The following GRIN2A variants were observed in gnomAD, a reference collection of about 807,000 sequenced individuals.
GRIN2A encodes the protein glutamate ionotropic receptor NMDA type subunit 2A, also known as glutamate receptor ionotropic, NMDA 2A.
In GRIN2A, 22 loss-of-function variants were observed where a neutral mutation model predicts 113.4. The observed-to-expected ratio is 0.19, with a 90% CI of 0.14 to 0.28. GRIN2A has a LOEUF of 0.28. Ranked by LOEUF, GRIN2A falls within the 10% of genes least tolerant of loss-of-function variation. The pLI is 1.00. For synonymous variants in GRIN2A, 827 were observed against 738.4 expected, an observed-to-expected ratio of 1.12 and a Z score of -1.94; for missense variants, 1,502 against 1,887.0, an observed-to-expected ratio of 0.80 and a Z score of 3.78.
At chr16:9,922,642 C>A (rs2044379121) in intron 3 of GRIN2A, among the ~76,000 whole-genome samples, 1 of 152,224 alleles carries the variant, frequency 6.6e-6, no homozygotes, top group Non-Finnish European at 1.5e-5. Context: ...ACTTGGTTAA[C>A]TGAAGATGGA....
At chr16:9,781,872 G>A (rs532150514) in intron 11 of GRIN2A, among the ~76,000 whole-genome samples, 2 of 152,272 alleles carry the variant, frequency 1.3e-5, no homozygotes, top group Admixed American at 1.3e-4. Context: ...ATGGTTTCTG[G>A]TTTAATAAAG....
At chr16:9,959,250 T>C (rs1314420252) in intron 2 of GRIN2A, among the ~76,000 whole-genome samples, 2 of 152,118 alleles carry the variant, frequency 1.3e-5, no homozygotes, top group Non-Finnish European at 2.9e-5. Context: ...CTTGAAAACA[T>C]CTCCAATCTC....
At chr16:10,095,955 TC>T (rs2048282352) in intron 2 of GRIN2A, among the ~76,000 whole-genome samples, 1 of 152,230 alleles carries the variant, frequency 6.6e-6, no homozygotes, top group South Asian at 2.1e-4. Flanking sequence ...TTTCTACTAT[TC>T]TTTCAACTTT....
chr16:9,972,895 C>A (rs956373057), intron 2 of GRIN2A, among the ~76,000 whole-genome samples: 3 of 152,194 alleles, frequency 2.0e-5, no homozygotes, highest in African/African-American at 7.2e-5. Flanking sequence ...GACTCAAAAT[C>A]AGTTTCCCCA....
At chr16:10,146,186 C>T (rs1052406765) in intron 2 of GRIN2A, among the ~76,000 whole-genome samples, 9 of 152,070 alleles carry the variant, frequency 5.9e-5, no homozygotes, top group African/African-American at 9.7e-5. Flanking sequence ...GGTGCGATCT[C>T]GGCTCACTGC....
chr16:9,987,801 C>G (rs2046008025), intron 2 of GRIN2A, among the ~76,000 whole-genome samples: 1 of 152,088 alleles, frequency 6.6e-6, no homozygotes, highest in African/African-American at 2.4e-5. Context: ...AACACCCATT[C>G]TAAATGGAGA....
chr16:9,769,954 A>G (rs1344772321), intron 11 of GRIN2A, among the ~76,000 whole-genome samples: 1 of 152,206 alleles, frequency 6.6e-6, no homozygotes, highest in African/African-American at 2.4e-5. Context: ...CTGGCTCTGA[A>G]TGGCCCCTTG....
At chr16:9,943,034 C>T (rs2044924663) in intron 2 of GRIN2A, 1 of 152,236 alleles carries the variant, frequency 6.6e-6, no homozygotes, top group African/African-American at 2.4e-5. Flanking sequence ...GGCCACACTC[C>T]CAGGGCCTGG....
In GRIN2A at chr16:9,763,722, G is replaced by T. The variant is rs1900707436; in HGVS notation, c.3822C>A (p.Asn1274Lys). Residue 1274 changes from asparagine to lysine, a missense_variant, in exon 13 of 13, where the codon AAC (asparagine) becomes AAA (lysine). Asn to Lys is a moderately conservative substitution (Grantham distance 94). Around this residue, in one of 7 missense-constraint regions of GRIN2A, gnomAD observed 832 missense variants for 789.7 expected, o/e 1.05. Coordinates refer to ENST00000330684, the MANE Select transcript of GRIN2A (RefSeq NM_001134407.3). ...EQVYQQDWAQ[N>K]NALQLQKNKL... ...TGTTCTTTTGTAATTGAAGGGCATT[G>T]TTCTGTGCCCAGTCCTGCTGGTAGA... 5.6e-6 allele frequency: 9 copies of T among 1,614,156 alleles called. No individual in the cohort carries two copies. Among genetic ancestry groups the T allele is most frequent in the African/African-American group, 1.3e-5 (1 of 75,042 alleles).
intron 2 of GRIN2A, among the ~76,000 whole-genome samples, chr16:10,069,317 A>G (rs1481209847): frequency 6.6e-6 from 1 of 152,208 alleles, no homozygotes; most frequent in Admixed American, 6.5e-5. Context: ...GGGATGAGAG[A>G]AAGAGAATGT....
At chr16:9,870,285 C>T (rs974001783) in intron 4 of GRIN2A, among the ~76,000 whole-genome samples, 1 of 152,098 alleles carries the variant, frequency 6.6e-6, no homozygotes, top group Non-Finnish European at 1.5e-5. Flanking sequence ...CCCAAGCTTT[C>T]TTGGATCCTT....
intron 8 of GRIN2A, among the ~76,000 whole-genome samples, chr16:9,831,431 C>T (rs1395236318): frequency 6.6e-6 from 1 of 151,976 alleles, no homozygotes; most frequent in Non-Finnish European, 1.5e-5. Context: ...CACACACTAT[C>T]TGGATAGAGT....
At chr16:9,994,783 T>C (rs1567223475) in intron 2 of GRIN2A, among the ~76,000 whole-genome samples, 1 of 152,190 alleles carries the variant, frequency 6.6e-6, no homozygotes, top group Non-Finnish European at 1.5e-5. Flanking sequence ...CCATCTCCAT[T>C]GGAACTCCTT....
Position 9,764,511 on chromosome 16 carries a change from C to T in GRIN2A, c.3033G>A (p.Arg1011=). 1 of 1,614,094 alleles carries T rather than the reference C, an allele frequency of 6.2e-7. No homozygotes were observed. Among genetic ancestry groups the T allele is most frequent in the Non-Finnish European group, 8.5e-7 (1 of 1,180,016 alleles). Residue 1011 remains arginine (R), a synonymous_variant, in exon 13 of 13, where the codon CGG becomes CGA. Coordinates refer to ENST00000330684, the MANE Select transcript of GRIN2A (RefSeq NM_001134407.3). ...STESKANSRP[R]QLWKKSVDSI... is the part of the protein sequence containing the mutation. ...AATCCACGGATTTCTTCCACAGCTG[C>T]CGGGGTCTAGAGTTCGCTTTGGATT...
chr16:10,153,931 C>G (rs2049635901), intron 2 of GRIN2A, among the ~76,000 whole-genome samples: 1 of 152,192 alleles, frequency 6.6e-6, no homozygotes, highest in Non-Finnish European at 1.5e-5. Context: ...TTCCTCCACC[C>G]TCCTCCCACG....
intron 3 of GRIN2A, among the ~76,000 whole-genome samples, chr16:9,893,656 AG>A (rs1304316441): frequency 6.6e-6 from 1 of 152,080 alleles, no homozygotes; most frequent in African/African-American, 2.4e-5. Flanking sequence ...TAGTAGATAC[AG>A]GGTTTTGCCA....
At chr16:9,766,054 T>C (rs1370451643) in intron 12 of GRIN2A, among the ~76,000 whole-genome samples, 1 of 152,212 alleles carries the variant, frequency 6.6e-6, no homozygotes, top group Non-Finnish European at 1.5e-5. Flanking sequence ...CATTTTGATC[T>C]GTGGCTTCCC....
At chr16:9,984,769 T>A (rs561765975) in intron 2 of GRIN2A, among the ~76,000 whole-genome samples, 1 of 152,366 alleles carries the variant, frequency 6.6e-6, no homozygotes, top group South Asian at 2.1e-4. Context: ...TTTATCTACA[T>A]GCTCATTTTA....
chr16:9,906,666 G>C (rs1205142651), intron 3 of GRIN2A, among the ~76,000 whole-genome samples: 2 of 152,184 alleles, frequency 1.3e-5, no homozygotes, highest in Admixed American at 1.3e-4. Flanking sequence ...ACCTTAACAG[G>C]GAGAAATATG....
Sources: gnomAD v4.1 joint callset for allele counts (sites outside exome capture counted in the v4.1 genomes callset) on GRCh38, gnomAD v4.1.1 for gene constraint, gnomAD v4.1.1 regional missense constraint, MANE v1.5 for transcripts, NCBI Gene and HGNC (gene_info 2026-07-23, HGNC 2026-07-21) for gene names.